RSPO2: variants seen among roughly 807,000 people sequenced by gnomAD.
RSPO2 encodes R-spondin 2.
A neutral mutation model predicts 30.9 loss-of-function variants in RSPO2; 14 were observed. The ratio of observed to expected loss-of-function variants is 0.45; its 90% CI spans 0.30 to 0.71. The LOEUF (loss-of-function observed/expected upper bound fraction) is 0.71, where lower values mean the gene tolerates loss of function less well. Ranked by LOEUF, RSPO2 falls within the 30% of genes least tolerant of loss-of-function variation. The pLI, the probability that RSPO2 is intolerant of heterozygous loss-of-function variation, is 0.08. For missense variants in RSPO2, 264 were observed against 301.9 expected (o/e 0.87, Z 0.93); for synonymous variants, 107 against 96.4 (o/e 1.11, Z -0.64).
chr8:108,080,535 G>A (rs937446756), intron 2 of RSPO2, among the ~76,000 whole-genome samples: 10 of 152,154 alleles, frequency 6.6e-5, no homozygotes, highest in African/African-American at 2.4e-4. Context: ...AAATAAATAG[G>A]TTCTGCTTCA....
intron 3 of RSPO2, among the ~76,000 whole-genome samples, chr8:107,970,139 G>T (rs979941898): frequency 6.6e-6 from 1 of 152,064 alleles, no homozygotes; most frequent in Non-Finnish European, 1.5e-5. Flanking sequence ...AGACCATACG[G>T]TATCTGTCTA....
At chr8:108,002,067 C>T (rs1449338212) in intron 2 of RSPO2, among the ~76,000 whole-genome samples, 3 of 152,142 alleles carry the variant, frequency 2.0e-5, no homozygotes, top group Non-Finnish European at 4.4e-5. Flanking sequence ...AAAAAGTTAG[C>T]ATGCGTGCTA....
intron 5 of RSPO2, among the ~76,000 whole-genome samples, chr8:107,956,184 C>T (rs1813428495): frequency 6.6e-6 from 1 of 152,056 alleles, no homozygotes; most frequent in Admixed American, 6.6e-5. Context: ...AATAATTTGC[C>T]ATTTCTCTCA....
chr8:108,012,523 T>G (rs1490938281), intron 2 of RSPO2, among the ~76,000 whole-genome samples: 1 of 152,222 alleles, frequency 6.6e-6, no homozygotes, highest in Non-Finnish European at 1.5e-5. Flanking sequence ...TACATATAGA[T>G]GAAAATCCAT....
intron 3 of RSPO2, among the ~76,000 whole-genome samples, chr8:107,984,921 T>G (rs1814573746): frequency 6.6e-6 from 1 of 152,174 alleles, no homozygotes; most frequent in African/African-American, 2.4e-5. Flanking sequence ...GTTAAATGTA[T>G]CTACTTTGTA....
At chr8:108,040,358 G>T (rs577271901) in intron 2 of RSPO2, among the ~76,000 whole-genome samples, 1 of 152,098 alleles carries the variant, frequency 6.6e-6, no homozygotes, top group Non-Finnish European at 1.5e-5. Flanking sequence ...GGTCTTACAG[G>T]CTAGACTTCA....
At chr8:107,909,261 T>G (rs1811747383) in intron 5 of RSPO2, among the ~76,000 whole-genome samples, 1 of 107,704 alleles carries the variant, frequency 9.3e-6, no homozygotes, top group Non-Finnish European at 1.9e-5. Context: ...TCCCAGTTGT[T>G]TTTTTTTTTT....
chr8:108,068,723 C>A (rs777180694), intron 2 of RSPO2, among the ~76,000 whole-genome samples: 1 of 152,134 alleles, frequency 6.6e-6, no homozygotes, highest in African/African-American at 2.4e-5. Flanking sequence ...AGAGGTAAGA[C>A]AGCCATGTGA....
intron 2 of RSPO2, among the ~76,000 whole-genome samples, chr8:108,030,098 G>C (rs950266160): frequency 1.6e-5 from 2 of 125,778 alleles, no homozygotes; most frequent in African/African-American, 6.1e-5. Context: ...AGTTTTGAAA[G>C]TAGGGTCCTG....
At chr8:107,982,398 A>G (rs1814473783) in intron 3 of RSPO2, among the ~76,000 whole-genome samples, 1 of 152,166 alleles carries the variant, frequency 6.6e-6, no homozygotes, top group Non-Finnish European at 1.5e-5. Flanking sequence ...TTGCTGAATA[A>G]ATGTTTGTCC....
intron 3 of RSPO2, among the ~76,000 whole-genome samples, chr8:107,980,284 T>TACA (rs1228881138): frequency 6.6e-6 from 1 of 152,168 alleles, no homozygotes; most frequent in East Asian, 1.9e-4. Context: ...AGTAAATGTT[T>TACA]GCTAAATGTG....
At chr8:108,011,844 T>C (rs1810720682) in intron 2 of RSPO2, among the ~76,000 whole-genome samples, 1 of 152,200 alleles carries the variant, frequency 6.6e-6, no homozygotes, top group African/African-American at 2.4e-5. Context: ...CTTAATAACC[T>C]TAATTACAAT....
intron 5 of RSPO2, among the ~76,000 whole-genome samples, chr8:107,945,480 CTT>C (rs1563532708): frequency 6.6e-6 from 1 of 151,922 alleles, no homozygotes. Context: ...GATCTCCTGA[CTT>C]TGTGATCTGC....
intron 5 of RSPO2, among the ~76,000 whole-genome samples, chr8:107,928,322 C>A (rs1279725742): frequency 6.6e-6 from 1 of 152,164 alleles, no homozygotes; most frequent in Non-Finnish European, 1.5e-5. Flanking sequence ...GCTTAGCTGA[C>A]AAAGTTTGAA....
At chr8:108,006,024 T>C (rs548149666) in intron 2 of RSPO2, among the ~76,000 whole-genome samples, 7 of 152,324 alleles carry the variant, frequency 4.6e-5, no homozygotes, top group Admixed American at 1.3e-4. Flanking sequence ...AATGTTATTA[T>C]GGGCCTTTTT....
intron 5 of RSPO2, among the ~76,000 whole-genome samples, chr8:107,945,241 C>CTTTTTTTTTTTTT (rs754722790): frequency 1.3e-4 from 10 of 74,818 alleles, no homozygotes; most frequent in Admixed American, 2.1e-4. Context: ...ATTCTTTTAC[C>CTTTTTTTTTTTTT]TTTTTTTTTT....
Position 107,899,518 on chromosome 8 carries a change from T to G in RSPO2, c.*1557A>C, listed in dbSNP as rs182371444. 151 of 152,726 alleles carry G rather than the reference T, an allele frequency of 9.9e-4. 1 individual carries two copies. Among genetic ancestry groups the G allele is most frequent in the Non-Finnish European group, 1.6e-3 (108 of 68,022 alleles). The allele number at this position is 152,726 out of a possible 1,614,324, so 9.5% of individuals were successfully genotyped here. A position where few individuals can be genotyped will look rare whatever the true frequency, so the allele number is the denominator to read the frequency against. On this transcript the variant is annotated 3_prime_UTR_variant, in exon 6 of 6. Transcript: ENST00000276659. The stretch of plus-strand genomic sequence containing the variant: ...TACAACATTCATATGTGGCTTATTA[T>G]CTCATAGCAATATTTTCATAACGAT...
chr8:107,983,907 C>T (rs866445250), intron 3 of RSPO2: 1 of 1,320,990 alleles, frequency 7.6e-7, no homozygotes, highest in East Asian at 2.3e-5. Context: ...TTGGATTTTC[C>T]ATCTACAGAA....
chr8:108,076,785 G>T (rs1309859961), intron 2 of RSPO2, among the ~76,000 whole-genome samples: 2 of 152,142 alleles, frequency 1.3e-5, no homozygotes, highest in Non-Finnish European at 2.9e-5. Flanking sequence ...AAGAAAAATT[G>T]AGCCTAGAAT....
Sources: allele counts gnomAD v4.1 joint callset (sites outside exome capture counted in the v4.1 genomes callset), GRCh38; gene constraint gnomAD v4.1.1; transcripts MANE v1.5; gene names NCBI Gene and HGNC (gene_info 2026-07-23, HGNC 2026-07-21).